The following WWOX variants were observed in gnomAD, a reference collection of about 807,000 sequenced individuals.
WWOX encodes the protein WW domain-containing oxidoreductase.
In WWOX, 69 loss-of-function variants were observed where a neutral mutation model predicts 46.2. The observed-to-expected ratio is 1.49, with a 90% CI of 1.23 to 1.82. The LOEUF is 1.82. Ranked by LOEUF, WWOX falls within the 40% of genes most tolerant of loss-of-function variation. The pLI is 0.00. For missense variants in WWOX, 919 were observed against 542.6 expected (o/e 1.69, Z -6.89); for synonymous variants, 359 against 202.6 (o/e 1.77, Z -6.56).
Position 78,432,711 on chromosome 16 carries a change from A to C in WWOX, c.1015A>C (p.Thr339Pro), listed in dbSNP as rs1429449710. Residue 339 changes from threonine (T) to proline (P), a missense_variant, in exon 8 of 9, where the codon ACA becomes CCA. Transcript: ENST00000566780. ...SNIHRSWWVYTLLFTLARPFT... is the reference protein window; with the variant it reads ...SNIHRSWWVYPLLFTLARPFT... ...CATTCATCGCAGCTGGTGGGTGTAC[A>C]CACTGCTGTTTACCTTGGCGAGGCC... 1 of 1,614,218 alleles carries C rather than the reference A, an allele frequency of 6.2e-7. No homozygotes were observed. Among genetic ancestry groups the C allele is most frequent in the Non-Finnish European group, 8.5e-7 (1 of 1,180,038 alleles).
At chr16:78,866,536 G>A (rs144607240) in intron 8 of WWOX, among the ~76,000 whole-genome samples, 132 of 152,116 alleles carry the variant, frequency 8.7e-4, no homozygotes, top group African/African-American at 3.0e-3. Flanking sequence ...ATGAGCTATC[G>A]ATAAAAGCTA....
intron 8 of WWOX, among the ~76,000 whole-genome samples, chr16:78,649,123 A>G (rs2046909337): frequency 6.6e-6 from 1 of 151,942 alleles, no homozygotes; most frequent in Non-Finnish European, 1.5e-5. Context: ...ACAGGCGCCC[A>G]CCACCAAGCC....
intron 8 of WWOX, among the ~76,000 whole-genome samples, chr16:78,979,157 T>C (rs2046631834): frequency 6.6e-6 from 1 of 151,976 alleles, no homozygotes; most frequent in Admixed American, 6.6e-5. Flanking sequence ...GGGTCTTATC[T>C]TGTTTTATGC....
intron 5 of WWOX, among the ~76,000 whole-genome samples, chr16:78,198,680 T>C (rs2036135529): frequency 6.6e-6 from 1 of 152,224 alleles, no homozygotes; most frequent in Middle Eastern, 3.2e-3. Context: ...GTTACGAGCA[T>C]GGATTTAGCT....
intron 8 of WWOX, among the ~76,000 whole-genome samples, chr16:78,590,165 T>TC (rs772969071): frequency 0.056 from 8,464 of 152,234 alleles, 270 homozygotes; most frequent in South Asian, 0.17. Flanking sequence ...TCTCTCTCTG[T>TC]TTATTATAGA....
chr16:78,374,466 C>G lies in WWOX; in HGVS notation c.517-12394C>G, dbSNP rs544715734. ...ACTCCAAATGACGCACAAAATTTGGCTAAACTGATGACTCTTTTTGTGTTT... is the reference window on the plus strand; with the variant it reads ...ACTCCAAATGACGCACAAAATTTGGGTAAACTGATGACTCTTTTTGTGTTT... On this transcript the variant is annotated intron_variant, in intron 5 of 8. Coordinates refer to ENST00000566780, the MANE Select transcript of WWOX (RefSeq NM_016373.4). Among the ~76,000 whole-genome samples the G allele has an allele frequency of 2.0e-5, 3 of 149,626 alleles. No individual in the cohort carries two copies. The East Asian group carries it at 6.0e-4, about 30-fold the overall frequency.
At chr16:78,806,530 T>C (rs147996819) in intron 8 of WWOX, among the ~76,000 whole-genome samples, 1,649 of 152,222 alleles carry the variant, frequency 0.011, 23 homozygotes, top group Non-Finnish European at 0.016. Context: ...TGAGGATTGA[T>C]GCTGACTGGT....
At chr16:78,205,473 A>G (rs959902704) in intron 5 of WWOX, among the ~76,000 whole-genome samples, 2 of 151,456 alleles carry the variant, frequency 1.3e-5, no homozygotes, top group African/African-American at 4.9e-5. Context: ...CCACCTACCC[A>G]TCCACCCTTC....
In WWOX at chr16:78,940,483, G is replaced by A. The variant is rs1031002099; in HGVS notation, c.1057-271125G>A. 2.6e-5 allele frequency among the ~76,000 whole-genome samples: 4 copies of A among 152,258 alleles called. 1 individual carries two copies. The highest frequency in any genetic ancestry group is 9.6e-5 in the African/African-American group (4 of 41,542). ...ATTCCAGAATCAGGAGGAGTATCCGGTGTTAGGAGTTCTTTCGAAGTCACA... is the reference window on the plus strand; with the variant it reads ...ATTCCAGAATCAGGAGGAGTATCCGATGTTAGGAGTTCTTTCGAAGTCACA... On this transcript the variant is annotated intron_variant, in intron 8 of 8. Coordinates refer to ENST00000566780, the MANE Select transcript of WWOX (RefSeq NM_016373.4).
chr16:79,021,847 A>C (rs578119338), intron 8 of WWOX, among the ~76,000 whole-genome samples: 2 of 152,268 alleles, frequency 1.3e-5, no homozygotes, highest in African/African-American at 4.8e-5. Flanking sequence ...TCACACATAC[A>C]CACAAAAAGT....
intron 5 of WWOX, among the ~76,000 whole-genome samples, chr16:78,386,076 G>A (rs888735877): frequency 5.3e-5 from 8 of 151,942 alleles, no homozygotes; most frequent in African/African-American, 1.5e-4. Context: ...CGGGAACTTG[G>A]GCTTCTTTAT....
intron 8 of WWOX, among the ~76,000 whole-genome samples, chr16:78,636,978 A>G (rs1016846423): frequency 2.0e-5 from 3 of 152,132 alleles, no homozygotes; most frequent in Admixed American, 6.5e-5. Context: ...TGTCTGTGCA[A>G]TTCCCAACAG....
intron 5 of WWOX, among the ~76,000 whole-genome samples, chr16:78,309,931 G>A (rs2080208254): frequency 6.6e-6 from 1 of 152,106 alleles, no homozygotes; most frequent in Non-Finnish European, 1.5e-5. Flanking sequence ...AGGATTTGGG[G>A]GAGGATTAAA....
intron 5 of WWOX, among the ~76,000 whole-genome samples, chr16:78,225,959 G>C (rs2037040444): frequency 6.6e-6 from 1 of 152,038 alleles, no homozygotes; most frequent in Non-Finnish European, 1.5e-5. Flanking sequence ...AATAGTTCTA[G>C]TACTAATTGT....
rs1597552744 is a variant in WWOX, at chr16:78,754,131, C to G, written c.1056+321379C>G. 2.6e-5 allele frequency among the ~76,000 whole-genome samples: 4 copies of G among 152,132 alleles called. No homozygotes were observed. In the East Asian group the frequency reaches 5.8e-4, roughly 22 times the overall value. ...TATAAATGGATTCCGCCAGGCATTT[C>G]TCTTTTGCTCTGTGGCAGCTCTTTC... On this transcript the variant is annotated intron_variant, in intron 8 of 8. Coordinates refer to ENST00000566780, the MANE Select transcript of WWOX (RefSeq NM_016373.4).
At chr16:78,730,333 C>A (rs1390660877) in intron 8 of WWOX, among the ~76,000 whole-genome samples, 2 of 151,984 alleles carry the variant, frequency 1.3e-5, no homozygotes, top group African/African-American at 4.8e-5. Flanking sequence ...CCTTTTCTTC[C>A]CATTTCCTTC....
intron 8 of WWOX, among the ~76,000 whole-genome samples, chr16:78,664,293 A>G (rs906205645): frequency 4.6e-5 from 7 of 152,114 alleles, no homozygotes; most frequent in Non-Finnish European, 8.8e-5. Flanking sequence ...CTCTTCATGT[A>G]CACACCCTGA....
intron 8 of WWOX, among the ~76,000 whole-genome samples, chr16:78,697,802 C>T (rs1303339979): frequency 1.3e-5 from 2 of 152,124 alleles, no homozygotes; most frequent in Non-Finnish European, 2.9e-5. Context: ...GGTTTAATCC[C>T]ATCCTAAGTT....
chr16:78,916,499 A>G (rs144698868), intron 8 of WWOX, among the ~76,000 whole-genome samples: 37 of 152,326 alleles, frequency 2.4e-4, no homozygotes, highest in African/African-American at 8.2e-4. Context: ...AAAGCTTTGT[A>G]AAGGAGAATT....
Sources: gnomAD v4.1 joint callset for allele counts (sites outside exome capture counted in the v4.1 genomes callset) on GRCh38, gnomAD v4.1.1 for gene constraint, MANE v1.5 for transcripts, NCBI Gene and HGNC (gene_info 2026-07-23, HGNC 2026-07-21) for gene names.